Variants in SRPX2 observed in about 807,000 individuals in gnomAD.
SRPX2 encodes the protein sushi repeat-containing protein SRPX2.
Under a neutral mutation model 45.3 loss-of-function variants are expected in SRPX2, and 26 were observed. That is an observed-to-expected ratio of 0.57 (90% confidence interval 0.42 to 0.80). The LOEUF (loss-of-function observed/expected upper bound fraction) is 0.80. Ranked by LOEUF, SRPX2 falls within the 30% of genes least tolerant of loss-of-function variation. SRPX2 has a pLI of 0.00. For missense variants in SRPX2, 355 were observed against 399.8 expected, an observed-to-expected ratio of 0.89 and a Z score of 0.95; for synonymous variants, 125 against 143.7, an observed-to-expected ratio of 0.87 and a Z score of 0.93.
chrX:100,661,087 G>C (rs1199267766), intron 3 of SRPX2: 2 of 111,793 alleles, frequency 1.8e-5, no homozygotes, highest in African/African-American at 6.5e-5. Flanking sequence ...TTCCAAAGTG[G>C]CTGTATTTTT....
chrX:100,661,513 T>C (rs1013801102), intron 3 of SRPX2, among the ~76,000 whole-genome samples: 1 of 112,779 alleles, frequency 8.9e-6, no homozygotes, highest in African/African-American at 3.2e-5. Flanking sequence ...GGCTCACGCC[T>C]GTAATCGCAG....
At chrX:100,663,279 G>C (rs2083193794) in intron 4 of SRPX2, among the ~76,000 whole-genome samples, 1 of 111,512 alleles carries the variant, frequency 9.0e-6, no homozygotes, top group African/African-American at 3.3e-5. Context: ...GAATCGGTCT[G>C]ACACAATTGA....
chrX:100,670,685 C>T lies in SRPX2; in HGVS notation c.1218-122C>T, dbSNP rs1192220560. 4 of 745,832 alleles carry T rather than the reference C, an allele frequency of 5.4e-6. No homozygotes were observed. In the African/African-American group the frequency reaches 8.3e-5, roughly 16 times the overall value. The allele number at this position is 745,832 out of a possible 1,213,427, so 61.5% of individuals were successfully genotyped here. On this transcript the variant is annotated intron_variant, in intron 10 of 10. Coordinates refer to ENST00000373004, the MANE Select transcript of SRPX2 (RefSeq NM_014467.3). ...GACAGGAAGTAGAGGGAATGGGGAC[C>T]AGGGATGAGGTGGGGAAGGAATTAG...
chrX:100,666,480 T>C (rs1201826816), intron 7 of SRPX2, among the ~76,000 whole-genome samples: 5 of 112,589 alleles, frequency 4.4e-5, no homozygotes, highest in African/African-American at 1.6e-4. Context: ...TGGAAACAGA[T>C]GGTAATATTT....
At chrX:100,651,199 G>A (rs1329684601) in intron 3 of SRPX2, 8 of 246,254 alleles carry the variant, frequency 3.2e-5, no homozygotes, top group Non-Finnish European at 5.8e-5. Flanking sequence ...GGTGATGGGG[G>A]GGTATAAAGT....
chrX:100,653,026 C>T (rs1416708719), intron 3 of SRPX2, among the ~76,000 whole-genome samples: 1 of 111,416 alleles, frequency 9.0e-6, no homozygotes, highest in East Asian at 2.8e-4. Flanking sequence ...GAGCACCTTC[C>T]TTTCTTCTTA....
chrX:100,653,566 T>C (rs2083160001), intron 3 of SRPX2, among the ~76,000 whole-genome samples: 1 of 111,847 alleles, frequency 8.9e-6, no homozygotes, highest in Non-Finnish European at 1.9e-5. Flanking sequence ...CTGGCCTTGG[T>C]CTAGCTTCCC....
chrX:100,661,440 A>G (rs1403936831), intron 3 of SRPX2, among the ~76,000 whole-genome samples: 5 of 112,535 alleles, frequency 4.4e-5, no homozygotes, highest in African/African-American at 1.6e-4. Context: ...AATTTTGACA[A>G]GGTCCAATTT....
Position 100,667,324 on chromosome X carries a change from T to C in SRPX2, c.1012T>C (p.Phe338Leu). The C allele has an allele frequency of 8.3e-7, 1 of 1,211,648 alleles. No individual in the cohort carries two copies. Among genetic ancestry groups the C allele is most frequent in the Non-Finnish European group, 1.1e-6 (1 of 895,332 alleles). The change falls in exon 9 of 11, where the codon TTC becomes CTC. Residue 338 changes from phenylalanine (F) to leucine (L), a missense_variant. Phe to Leu is a conservative substitution (Grantham distance 22). Coordinates refer to ENST00000373004, the MANE Select transcript of SRPX2 (RefSeq NM_014467.3). The part of the protein sequence containing the change: ...VNSAAGLLDQ[F>L]YEKQRLLIIS... Reference sequence around the variant, plus strand: ...CTCAGCTGCTGGTCTCTTGGATCAATTCTATGAGAAACAGCGACTCCTCAT... The same window carrying C: ...CTCAGCTGCTGGTCTCTTGGATCAACTCTATGAGAAACAGCGACTCCTCAT...
intron 9 of SRPX2, among the ~76,000 whole-genome samples, chrX:100,668,497 A>G (rs181515774): frequency 9.0e-6 from 1 of 110,927 alleles, no homozygotes; most frequent in East Asian, 2.8e-4. Flanking sequence ...AGTGACTCTG[A>G]GGGTAAGGAC....
chrX:100,662,106 T>G, intron 3 of SRPX2, 70 bp from the exon 4 acceptor site: 1 of 1,094,783 alleles, frequency 9.1e-7, no homozygotes, highest in Admixed American at 2.2e-5. Context: ...ATTGACCTAT[T>G]TGTCTTTTCA....
rs2083242423 is a variant in SRPX2, at chrX:100,674,100, T to G, written c.*3113T>G. 4 of 111,430 alleles carry G rather than the reference T, an allele frequency of 3.6e-5. No individual in the cohort carries two copies. In the South Asian group the frequency reaches 1.5e-3, roughly 43 times the overall value. 9.2% of individuals were successfully genotyped at this position (111,430 alleles called of 1,213,427 possible). ...AAAAGTCCCCGCCTCCCAGAGAAATTGAAGGATCCAGAAAGAAGTGCTTAT... is the reference window on the plus strand; with the variant it reads ...AAAAGTCCCCGCCTCCCAGAGAAATGGAAGGATCCAGAAAGAAGTGCTTAT... On this transcript the variant is annotated 3_prime_UTR_variant, in exon 11 of 11. Transcript: ENST00000373004.
chrX:100,648,016 A>G (rs994402808), intron 2 of SRPX2, among the ~76,000 whole-genome samples: 15 of 112,372 alleles, frequency 1.3e-4, no homozygotes, highest in Non-Finnish European at 2.6e-4. Flanking sequence ...TCATTCCTTC[A>G]ACAAATATTT....
At position 100,671,098 on chromosome X, in the gene SRPX2, G is replaced by A; in HGVS notation, c.*111G>A. The A allele has an allele frequency of 1.1e-6, 1 of 883,145 alleles. No homozygotes were observed. The highest frequency in any genetic ancestry group is 1.6e-6 in the Non-Finnish European group (1 of 624,353). The allele number at this position is 883,145 out of a possible 1,213,427, so 72.8% of individuals were successfully genotyped here. On this transcript the variant is annotated 3_prime_UTR_variant, in exon 11 of 11. Coordinates refer to ENST00000373004, the MANE Select transcript of SRPX2 (RefSeq NM_014467.3). ...CCCACAGTTCTAGGGACAGGACTCTGAGGTGGGTGAGTTTGACAAATCCTG... is the reference window on the plus strand; with the variant it reads ...CCCACAGTTCTAGGGACAGGACTCTAAGGTGGGTGAGTTTGACAAATCCTG...
At position 100,672,273 on chromosome X, in the gene SRPX2, A is replaced by G. The variant is rs1426362244; in HGVS notation, c.*1286A>G. ...TGCTGCTGAGAGCCTTCTTTCATAC[A>G]GTCATGGAACCCAGAGTCATAGCTA... On this transcript the variant is annotated 3_prime_UTR_variant, in exon 11 of 11. Transcript: ENST00000373004. The G allele has an allele frequency of 8.9e-6, 1 of 112,096 alleles. No homozygotes were observed. The highest frequency in any genetic ancestry group is 1.9e-5 in the Non-Finnish European group (1 of 53,227). The allele number at this position is 112,096 out of a possible 1,213,427, so 9.2% of individuals were successfully genotyped here. A position where few individuals can be genotyped will look rare whatever the true frequency, so the allele number is the denominator to read the frequency against.
intron 3 of SRPX2, among the ~76,000 whole-genome samples, chrX:100,660,625 C>T (rs780609516): frequency 4.5e-5 from 5 of 111,413 alleles, no homozygotes; most frequent in Non-Finnish European, 7.5e-5. Context: ...GTCAAGAGAT[C>T]GAGACCATTC....
intron 3 of SRPX2, among the ~76,000 whole-genome samples, chrX:100,659,917 C>A (rs1156729124): frequency 9.2e-6 from 1 of 108,525 alleles, no homozygotes; most frequent in East Asian, 2.9e-4. Context: ...GGGCAGGCGG[C>A]CCTCTGCTTG....
At chrX:100,669,401 G>A (rs1569362884) in intron 10 of SRPX2, 32 bp downstream of exon 10, 4 of 967,956 alleles carry the variant, frequency 4.1e-6, no homozygotes, top group South Asian at 2.1e-5. Flanking sequence ...AACTTGGGGG[G>A]AGGGGGGGCT....
At chrX:100,645,356 G>A (rs902669882) in intron 1 of SRPX2, among the ~76,000 whole-genome samples, 4 of 111,949 alleles carry the variant, frequency 3.6e-5, no homozygotes, top group Admixed American at 2.8e-4. Flanking sequence ...CAAAACTCTC[G>A]TCCCATTAGG....
Sources: allele counts gnomAD v4.1 joint callset (sites outside exome capture counted in the v4.1 genomes callset), GRCh38; gene constraint gnomAD v4.1.1; transcripts MANE v1.5; gene names NCBI Gene and HGNC (gene_info 2026-07-23, HGNC 2026-07-21).